Variants in VWA5B1 observed in about 807,000 individuals in gnomAD.
VWA5B1 encodes the protein von Willebrand factor A domain-containing protein 5B1.
In VWA5B1, 115 loss-of-function variants were observed where a neutral mutation model predicts 118.2. The ratio of observed to expected loss-of-function variants is 0.97; its 90% CI spans 0.84 to 1.14. VWA5B1 has a LOEUF of 1.14. Among genes scored for constraint, VWA5B1 ranks in the 50% most tolerant of loss-of-function variants. VWA5B1 has a pLI of 0.00. For missense variants in VWA5B1, 1,596 were observed against 1,603.8 expected (o/e 1.00, Z 0.08); for synonymous variants, 682 against 658.4 (o/e 1.04, Z -0.55).
chr1:20,306,232 A>T (rs1044511654), intron 1 of VWA5B1, among the ~76,000 whole-genome samples: 1 of 152,036 alleles, frequency 6.6e-6, no homozygotes, highest in Admixed American at 6.6e-5. Context: ...ACCTGAGCAG[A>T]CGTGAAGGGG....
At chr1:20,321,206 C>T (rs1357288055) in intron 7 of VWA5B1, among the ~76,000 whole-genome samples, 1 of 150,220 alleles carries the variant, frequency 6.7e-6, no homozygotes. Flanking sequence ...ATTTATTCAA[C>T]AAATAAATCT....
chr1:20,320,413 C>A (rs749934004), intron 7 of VWA5B1, among the ~76,000 whole-genome samples: 3 of 152,228 alleles, frequency 2.0e-5, no homozygotes, highest in Non-Finnish European at 4.4e-5. Context: ...GAAGCACATG[C>A]TCTCCCAGAG....
Position 20,335,152 on chromosome 1 carries a change from T to C in VWA5B1, c.1759-1151T>C, listed in dbSNP as rs1277963708. ...AGTGAGACCACTTCTCTACAAAATA[T>C]AAAAATTAAAAAATTAGCCAGACGT... On this transcript the variant is annotated intron_variant, in intron 12 of 21. Transcript: ENST00000289815. Among the ~76,000 whole-genome samples, 3 of 152,074 alleles carry C rather than the reference T, an allele frequency of 2.0e-5. No individual in the cohort carries two copies. The South Asian group carries it at 6.2e-4, about 31-fold the overall frequency.
chr1:20,310,661 T>A lies in VWA5B1; in HGVS notation c.60T>A (p.Val20=). ...CCCTGCCCCTCACCGCGTCTGATGT[T>A]ACCTCCTGTGTCAGCGGTTATGCCC... is the stretch of plus-strand genomic sequence containing the variant. ...GAALPLTASD[V]TSCVSGYALG... is the part of the protein sequence containing the mutation. Residue 20 remains valine (V), a synonymous_variant, in exon 2 of 22, where the codon GTT becomes GTA. Transcript: ENST00000289815. 11 of 1,551,194 alleles carry A rather than the reference T, an allele frequency of 7.1e-6. No individual in the cohort carries two copies. The highest frequency in any genetic ancestry group is 9.6e-6 in the Non-Finnish European group (11 of 1,146,772).
intron 9 of VWA5B1, among the ~76,000 whole-genome samples, chr1:20,329,945 C>T (rs1272886559): frequency 6.6e-6 from 1 of 152,100 alleles, no homozygotes; most frequent in Non-Finnish European, 1.5e-5. Flanking sequence ...AAGGAGAACC[C>T]GGAAAGGACA....
intron 9 of VWA5B1, among the ~76,000 whole-genome samples, chr1:20,329,552 A>ACCT (rs1412078625): frequency 6.6e-6 from 1 of 152,018 alleles, no homozygotes; most frequent in Non-Finnish European, 1.5e-5. Flanking sequence ...CAAGTGATCC[A>ACCT]CCTGCCTTGA....
intron 5 of VWA5B1, 74 bp downstream of exon 5, chr1:20,317,749 G>C: frequency 2.3e-6 from 3 of 1,288,638 alleles, no homozygotes; most frequent in Non-Finnish European, 3.2e-6. Flanking sequence ...ATGGGACGGG[G>C]GTGGGAAGGA....
intron 4 of VWA5B1, among the ~76,000 whole-genome samples, 195 bp from the exon 5 acceptor site, chr1:20,317,335 C>T (rs1185145867): frequency 1.3e-5 from 2 of 152,096 alleles, no homozygotes; most frequent in African/African-American, 4.8e-5. Flanking sequence ...AGTGTGGGTG[C>T]TCCTTGGAGG....
chr1:20,319,467 C>T lies in VWA5B1; in HGVS notation c.927C>T (p.Phe309=), dbSNP rs374434661. Residue 309 remains phenylalanine (F), a synonymous_variant, in exon 7 of 22, where the codon TTC becomes TTT. Transcript: ENST00000289815. ...FDQHLKGRTD[F]IKGMKKKSRA... Reference sequence around the variant, plus strand: ...AGCACTTGAAGGGAAGAACAGATTTCATTAAAGGGATGAAGAAGAAGAGCA... The same window carrying T: ...AGCACTTGAAGGGAAGAACAGATTTTATTAAAGGGATGAAGAAGAAGAGCA... The T allele has an allele frequency of 1.3e-6, 2 of 1,551,652 alleles. No homozygotes were observed. The highest frequency in any genetic ancestry group is 1.7e-6 in the Non-Finnish European group (2 of 1,147,020).
At chr1:20,297,225 T>C (rs2088421570) in intron 1 of VWA5B1, among the ~76,000 whole-genome samples, 1 of 152,226 alleles carries the variant, frequency 6.6e-6, no homozygotes, top group Non-Finnish European at 1.5e-5. Flanking sequence ...ATGGCTGTAC[T>C]AGCCAATTAG....
Position 20,353,610 on chromosome 1 carries a change from A to G in VWA5B1, c.3142-147A>G, listed in dbSNP as rs979461117. 3.9e-5 allele frequency: 40 copies of G among 1,035,532 alleles called. 3 individuals carry two copies. The South Asian group carries it at 7.6e-4, about 20-fold the overall frequency. The allele number at this position is 1,035,532 out of a possible 1,614,324, so 64.1% of individuals were successfully genotyped here. ...GTTTGAAGTGTCTGCAGGATAAAGG[A>G]TAGAGATGCTCAATTGACCTGGGTA... On this transcript the variant is annotated intron_variant, in intron 21 of 21. Coordinates refer to ENST00000289815, the MANE Select transcript of VWA5B1 (RefSeq NM_001039500.3).
rs1384541082 is a variant in VWA5B1, at chr1:20,345,557, C to T, written c.2728C>T (p.Arg910Trp). 5.8e-6 allele frequency: 9 copies of T among 1,550,850 alleles called. No homozygotes were observed. The East Asian group carries it at 7.3e-5, about 13-fold the overall frequency. ...AFVPVDVSKS[R>W]YLPTVVEYPN... ...CGTGCCTGTGGACGTGAGCAAGAGCCGGTACCTGCCCACCGTGGTGGAGTA... is the reference window on the plus strand; with the variant it reads ...CGTGCCTGTGGACGTGAGCAAGAGCTGGTACCTGCCCACCGTGGTGGAGTA... Residue 910 changes from arginine to tryptophan, a missense_variant, in exon 17 of 22, where the codon CGG becomes TGG. Coordinates refer to ENST00000289815, the MANE Select transcript of VWA5B1 (RefSeq NM_001039500.3).
intron 7 of VWA5B1, among the ~76,000 whole-genome samples, chr1:20,320,931 G>A (rs1456432180): frequency 6.6e-6 from 1 of 152,128 alleles, no homozygotes; most frequent in East Asian, 1.9e-4. Context: ...CTTCACGTGG[G>A]AGAGAGACAG....
chr1:20,350,108 C>A (rs1010836487), intron 18 of VWA5B1, 48 bp from the exon 19 acceptor site: 1 of 1,518,278 alleles, frequency 6.6e-7, no homozygotes, highest in Admixed American at 2.0e-5. Flanking sequence ...GGATGGGAGG[C>A]GAGGAAGGGA....
rs2090258330 is a variant in VWA5B1, at chr1:20,357,954, G to A, written c.*3691G>A. On this transcript the variant is annotated 3_prime_UTR_variant, in exon 22 of 22. Transcript: ENST00000289815. ...GAATGTCCCTGCAACAGAGTGCCCC[G>A]AGGGCCCAACCTCCCACCACATGCA... is the stretch of plus-strand genomic sequence containing the variant. Among the ~76,000 whole-genome samples the A allele has an allele frequency of 6.6e-6, 1 of 152,136 alleles. No homozygotes were observed. Among genetic ancestry groups the A allele is most frequent in the African/African-American group, 2.4e-5 (1 of 41,424 alleles).
intron 1 of VWA5B1, among the ~76,000 whole-genome samples, chr1:20,293,298 T>TGG (rs2088346458): frequency 1.3e-5 from 1 of 77,196 alleles, no homozygotes; most frequent in Admixed American, 1.4e-4. Flanking sequence ...TTCACTGACC[T>TGG]CTTGTTACCA....
intron 5 of VWA5B1, chr1:20,318,378 C>A: frequency 1.5e-6 from 1 of 670,418 alleles, no homozygotes; most frequent in South Asian, 1.7e-5. Context: ...GAGTTCAGAG[C>A]AGGAAGAGTC....
Position 20,312,996 on chromosome 1 carries a change from G to T in VWA5B1, c.292+8G>T, listed in dbSNP as rs2088896620. The T allele has an allele frequency of 6.4e-7, 1 of 1,550,510 alleles. No homozygotes were observed. The highest frequency in any genetic ancestry group is 2.0e-5 in the Admixed American group (1 of 50,948). On this transcript the variant is annotated splice_region_variant and intron_variant, in intron 3 of 21. Transcript: ENST00000289815. Reference sequence around the variant, plus strand: ...GATCCCCAACAGTCACAGGTAAGGAGACCAGAAGGGCTGCCGCGGGACCTG... The same window carrying T: ...GATCCCCAACAGTCACAGGTAAGGATACCAGAAGGGCTGCCGCGGGACCTG...
chr1:20,336,895 C>T (rs1307050979), intron 13 of VWA5B1, among the ~76,000 whole-genome samples: 1 of 152,064 alleles, frequency 6.6e-6, no homozygotes, highest in Non-Finnish European at 1.5e-5. Context: ...TGACAGGGTG[C>T]CAGGGACCCC....
Sources: allele counts gnomAD v4.1 joint callset (sites outside exome capture counted in the v4.1 genomes callset), GRCh38; gene constraint gnomAD v4.1.1; transcripts MANE v1.5; gene names NCBI Gene and HGNC (gene_info 2026-07-23, HGNC 2026-07-21).